The following DST variants were observed in gnomAD, a reference collection of about 807,000 sequenced individuals.
DST encodes the protein bullous pemphigoid antigen.
In DST, 253 loss-of-function variants were observed where a neutral mutation model predicts 875.2. The observed-to-expected ratio is 0.29, with a 90% CI of 0.26 to 0.32. The LOEUF (loss-of-function observed/expected upper bound fraction) is 0.32. Ranked by LOEUF, DST falls within the 10% of genes least tolerant of loss-of-function variation. The pLI is 1.00. For synonymous variants in DST, 3,124 were observed against 3,197.1 expected (o/e 0.98, Z 0.77); for missense variants, 8,287 against 9,111.6 (o/e 0.91, Z 3.68).
chr6:56,464,081 T>C, intron 100 of DST: 1 of 416,898 alleles, frequency 2.4e-6, no homozygotes, highest in South Asian at 2.1e-5. Context: ...AAAATATCAT[T>C]AATCCACCAG....
Position 56,629,384 on chromosome 6 carries a change from C to G in DST, c.4341G>C (p.Leu1447Phe). The G allele has an allele frequency of 1.2e-6, 2 of 1,613,678 alleles. No homozygotes were observed. Among genetic ancestry groups the G allele is most frequent in the Non-Finnish European group, 1.7e-6 (2 of 1,179,766 alleles). ...CATCACTGATGGCTTTAGCTTTCTG[C>G]AACTCATCCTCTAAGGCATGGAATA... ...RQVFHALEDELQKAKAISDEM... is the reference protein window; with the variant it reads ...RQVFHALEDEFQKAKAISDEM... The change falls in exon 32 of 104, where the codon TTG (leucine) becomes TTC (phenylalanine). Residue 1447 changes from leucine to phenylalanine, a missense_variant. Coordinates refer to ENST00000680361, the MANE Select transcript of DST (RefSeq NM_001374736.1).
intron 4 of DST, among the ~76,000 whole-genome samples, chr6:56,736,367 GTTA>G (rs1274573409): frequency 5.3e-5 from 8 of 152,196 alleles, no homozygotes; most frequent in Admixed American, 5.2e-4. Flanking sequence ...GGTTCATCAA[GTTA>G]TTATTTCAAA....
intron 4 of DST, among the ~76,000 whole-genome samples, chr6:56,822,826 T>A (rs932352168): frequency 6.6e-6 from 1 of 151,604 alleles, no homozygotes; most frequent in Non-Finnish European, 1.5e-5. Context: ...TATTTTATTT[T>A]ATTTATTTAT....
chr6:56,686,870 C>G (rs189957511), intron 9 of DST, among the ~76,000 whole-genome samples: 2 of 152,302 alleles, frequency 1.3e-5, no homozygotes. Context: ...ACTTTACAGT[C>G]TCCTAAGTCT....
intron 5 of DST, among the ~76,000 whole-genome samples, chr6:56,716,480 T>G (rs2099394949): frequency 6.6e-6 from 1 of 152,176 alleles, no homozygotes; most frequent in African/African-American, 2.4e-5. Flanking sequence ...CAGGCAAAGA[T>G]TTCTTATGTA....
intron 53 of DST, 22 bp downstream of exon 53, chr6:56,572,078 T>C (rs1377905071): frequency 3.0e-6 from 4 of 1,327,860 alleles, no homozygotes; most frequent in Non-Finnish European, 4.0e-6. Flanking sequence ...GAATAAAATA[T>C]AATTTTTAAA....
At chr6:56,853,759 T>A (rs1383585101) in intron 3 of DST, among the ~76,000 whole-genome samples, 1 of 152,082 alleles carries the variant, frequency 6.6e-6, no homozygotes, top group African/African-American at 2.4e-5. Flanking sequence ...CATTAATCAC[T>A]CATAGCCAGA....
In DST at chr6:56,552,220, T is replaced by C. The variant is rs371044158; in HGVS notation, c.16572A>G (p.Glu5524=). 72 of 1,613,352 alleles carry C rather than the reference T, an allele frequency of 4.5e-5. No homozygotes were observed. The highest frequency in any genetic ancestry group is 6.7e-5 in the Admixed American group (4 of 59,938). Residue 5524 remains glutamate (E), a synonymous_variant, in exon 61 of 104, where the codon GAA becomes GAG. Coordinates refer to ENST00000680361, the MANE Select transcript of DST (RefSeq NM_001374736.1). ...TAAGCTGCTGATTAATTGTCTCCGTTTCCATACCAACAGGACCTTGTGACT... is the reference window on the plus strand; with the variant it reads ...TAAGCTGCTGATTAATTGTCTCCGTCTCCATACCAACAGGACCTTGTGACT... ...HEESQGPVGM[E]TETINQQLNM... is the part of the protein sequence containing the mutation.
At chr6:56,839,020 T>C (rs1034122139) in intron 4 of DST, among the ~76,000 whole-genome samples, 11 of 152,236 alleles carry the variant, frequency 7.2e-5, no homozygotes, top group African/African-American at 2.7e-4. Context: ...TCTTTCCTTA[T>C]TCTTTACAAA....
At chr6:56,609,407 CA>C in intron 39 of DST, 63 bp from the exon 40 acceptor site, 1 of 1,195,374 alleles carries the variant, frequency 8.4e-7, no homozygotes, top group Non-Finnish European at 1.2e-6. Flanking sequence ...GAGTTTCATG[CA>C]ACTTAGGTTT....
chr6:56,699,745 C>T lies in DST; in HGVS notation c.955G>A (p.Val319Met), dbSNP rs779800607. The change falls in exon 9 of 104, where the codon GTG becomes ATG. Residue 319 changes from valine to methionine, a missense_variant and splice_region_variant. Val to Met is a conservative substitution (Grantham distance 21). Transcript: ENST00000680361. ...IALDYLKRRQ[V>M]KLVNIRNDDI... ...TCATTTCTAATATTCACTAATTTCA[C>T]CTGTTTTGAATGTGAAGAAGAGATA... 1.6e-5 allele frequency: 23 copies of T among 1,445,648 alleles called. No homozygotes were observed. The highest frequency in any genetic ancestry group is 2.1e-5 in the Non-Finnish European group (23 of 1,079,432). The allele number at this position is 1,445,648 out of a possible 1,614,324, so 89.6% of individuals were successfully genotyped here. A position where few individuals can be genotyped will look rare whatever the true frequency, so the allele number is the denominator to read the frequency against.
chr6:56,672,374 C>T (rs1007789428), intron 9 of DST, among the ~76,000 whole-genome samples: 4 of 152,116 alleles, frequency 2.6e-5, no homozygotes, highest in South Asian at 2.1e-4. Flanking sequence ...GATTTAAAAG[C>T]GGAACAAACT....
chr6:56,855,261 T>C (rs2127583425), intron 3 of DST, among the ~76,000 whole-genome samples: 1 of 152,318 alleles, frequency 6.6e-6, no homozygotes, highest in South Asian at 2.1e-4. Context: ...CATAGACTAA[T>C]TAATATAAAT....
intron 5 of DST, among the ~76,000 whole-genome samples, chr6:56,724,900 G>T (rs1282370551): frequency 6.6e-6 from 1 of 152,122 alleles, no homozygotes; most frequent in East Asian, 1.9e-4. Flanking sequence ...GAGAAGACAG[G>T]CGGACAAATC....
intron 4 of DST, among the ~76,000 whole-genome samples, chr6:56,830,960 C>G (rs1232656827): frequency 1.3e-5 from 2 of 152,190 alleles, no homozygotes; most frequent in Non-Finnish European, 2.9e-5. Flanking sequence ...GACCAGAATT[C>G]TAGCCCCAGT....
intron 4 of DST, among the ~76,000 whole-genome samples, chr6:56,823,570 C>A (rs187543697): frequency 9.9e-5 from 15 of 152,248 alleles, no homozygotes; most frequent in African/African-American, 3.6e-4. Flanking sequence ...GCCACCACAC[C>A]CAGCTCATTT....
Position 56,460,142 on chromosome 6 carries a change from G to A in DST, c.23183C>T (p.Thr7728Ile), listed in dbSNP as rs1009080138. The change falls in exon 103 of 104, where the codon ACA becomes ATA. Residue 7728 changes from threonine to isoleucine, a missense_variant. Coordinates refer to ENST00000680361, the MANE Select transcript of DST (RefSeq NM_001374736.1). ...LITTAAARVR[T>I]QFADSKKTPS... ...GGCACCACACTCACCAGCAAACTGT[G>A]TTCGGACTCTGGCAGCTGCAGTTGT... 3 of 1,612,898 alleles carry A rather than the reference G, an allele frequency of 1.9e-6. No individual in the cohort carries two copies. The highest frequency in any genetic ancestry group is 2.5e-6 in the Non-Finnish European group (3 of 1,179,166).
chr6:56,647,936 T>G (rs577494454), intron 13 of DST, among the ~76,000 whole-genome samples: 13 of 152,296 alleles, frequency 8.5e-5, no homozygotes, highest in African/African-American at 3.1e-4. Flanking sequence ...TCCACCCATC[T>G]TGGCCTCCCA....
At chr6:56,642,779 T>TA in intron 15 of DST, 1 of 1,614,044 alleles carries the variant, frequency 6.2e-7, no homozygotes, top group Non-Finnish European at 8.5e-7. Context: ...CTATAACTAC[T>TA]ACTGTGCATT....
Sources: allele counts gnomAD v4.1 joint callset (sites outside exome capture counted in the v4.1 genomes callset), GRCh38; gene constraint gnomAD v4.1.1; transcripts MANE v1.5; gene names NCBI Gene and HGNC (gene_info 2026-07-23, HGNC 2026-07-21).